SDK1: variants seen among roughly 807,000 people sequenced by gnomAD.
SDK1 encodes protein sidekick-1.
Under a neutral mutation model 245.5 loss-of-function variants are expected in SDK1, and 157 were observed. That is an observed-to-expected ratio of 0.64 (90% CI 0.56 to 0.73). The LOEUF (loss-of-function observed/expected upper bound fraction) is 0.73. SDK1 is among the 30% of genes least tolerant of loss of function. SDK1 has a pLI of 0.00. For synonymous variants in SDK1, 1,647 were observed against 1,278.5 expected (o/e 1.29, Z -6.15); for missense variants, 3,583 against 3,002.3 (o/e 1.19, Z -4.52).
At chr7:3,395,846 G>A (rs1408893347) in intron 1 of SDK1, among the ~76,000 whole-genome samples, 2 of 151,696 alleles carry the variant, frequency 1.3e-5, no homozygotes, top group Non-Finnish European at 3.0e-5. Context: ...TTTCATTCCT[G>A]ATTTTTGTGG....
Position 4,017,176 on chromosome 7 carries a change from G to T in SDK1, c.2426G>T (p.Arg809Leu), listed in dbSNP as rs756442334. 6 of 1,609,322 alleles carry T rather than the reference G, an allele frequency of 3.7e-6. No individual in the cohort carries two copies. The highest frequency in any genetic ancestry group is 1.7e-5 in the Admixed American group (1 of 59,336). ...GVLRGYILRY[R>L]LAGLPGEYQQ... ...GGGCTTCCTTCGTGGCGCAGGTACC[G>T]CCTGGCTGGCCTTCCCGGAGAGTAC... The change falls in exon 17 of 45, where the codon CGC (arginine) becomes CTC (leucine). Residue 809 changes from arginine to leucine, a missense_variant. Transcript: ENST00000404826.
chr7:3,572,110 A>G (rs1014510298), intron 1 of SDK1, among the ~76,000 whole-genome samples: 14 of 152,134 alleles, frequency 9.2e-5, no homozygotes, highest in African/African-American at 3.1e-4. Context: ...AATGACTAGT[A>G]TATTTTATTC....
Position 4,268,243 on chromosome 7 carries a change from G to T in SDK1, c.*2859G>T. ...CCTGCAAGGATGTGGTCACGGAGTG[G>T]CCAGGAGGCTCCGTCTGAGCCACAG... On this transcript the variant is annotated 3_prime_UTR_variant, in exon 45 of 45. Coordinates refer to ENST00000404826, the MANE Select transcript of SDK1 (RefSeq NM_152744.4). The T allele has an allele frequency of 6.0e-6, 6 of 998,182 alleles. No homozygotes were observed. Among genetic ancestry groups the T allele is most frequent in the Non-Finnish European group, 7.2e-6 (6 of 837,652 alleles). 61.8% of individuals were successfully genotyped at this position (998,182 alleles called of 1,614,324 possible).
chr7:3,790,707 G>A (rs1781054275), intron 4 of SDK1, among the ~76,000 whole-genome samples: 1 of 152,184 alleles, frequency 6.6e-6, no homozygotes, highest in Non-Finnish European at 1.5e-5. Context: ...TCGGGAGACT[G>A]AGGCAGGAGA....
chr7:3,629,300 CAAAAAAAAA>C (rs71029686), intron 2 of SDK1, among the ~76,000 whole-genome samples: 64 of 111,244 alleles, frequency 5.8e-4, no homozygotes, highest in African/African-American at 2.0e-3. Flanking sequence ...TTCTCAGTCT[CAAAAAAAAA>C]AAGAAAAAAA....
At chr7:3,561,993 T>C (rs897789375) in intron 1 of SDK1, among the ~76,000 whole-genome samples, 2 of 152,222 alleles carry the variant, frequency 1.3e-5, no homozygotes, top group African/African-American at 2.4e-5. Context: ...GGAAAAAATA[T>C]AGAGGAAATA....
At chr7:4,044,506 G>A (rs1788871935) in intron 17 of SDK1, among the ~76,000 whole-genome samples, 1 of 152,118 alleles carries the variant, frequency 6.6e-6, no homozygotes, top group Admixed American at 6.5e-5. Flanking sequence ...TGCAGTGGCA[G>A]GAGCATAGCT....
chr7:3,717,293 C>G (rs1479543668), intron 4 of SDK1, among the ~76,000 whole-genome samples: 1 of 152,030 alleles, frequency 6.6e-6, no homozygotes, highest in Non-Finnish European at 1.5e-5. Context: ...AGAGAGATAA[C>G]AGGAAAACTT....
chr7:3,593,904 C>G (rs1316363430), intron 1 of SDK1, among the ~76,000 whole-genome samples: 1 of 152,184 alleles, frequency 6.6e-6, no homozygotes, highest in African/African-American at 2.4e-5. Context: ...CTTACCATGC[C>G]TAGCATAAAC....
At chr7:3,846,627 C>A (rs1780285019) in intron 5 of SDK1, among the ~76,000 whole-genome samples, 1 of 152,214 alleles carries the variant, frequency 6.6e-6, no homozygotes, top group South Asian at 2.1e-4. Flanking sequence ...TACCTCCCTC[C>A]TGTCCTAAAG....
chr7:4,267,537 G>A lies in SDK1; in HGVS notation c.*2153G>A, dbSNP rs1430779626. 1 of 985,494 alleles carries A rather than the reference G, an allele frequency of 1.0e-6. No homozygotes were observed. The highest frequency in any genetic ancestry group is 1.2e-6 in the Non-Finnish European group (1 of 829,978). 61.0% of individuals were successfully genotyped at this position (985,494 alleles called of 1,614,324 possible). A position where few individuals can be genotyped will look rare whatever the true frequency, so the allele number is the denominator to read the frequency against. ...AAGTGGGCGGGAAGCCAGGATGTGAGCACTGGAATTTCTTGGAAGAGAAGC... is the reference window on the plus strand; with the variant it reads ...AAGTGGGCGGGAAGCCAGGATGTGAACACTGGAATTTCTTGGAAGAGAAGC... On this transcript the variant is annotated 3_prime_UTR_variant, in exon 45 of 45. Transcript: ENST00000404826.
intron 40 of SDK1, among the ~76,000 whole-genome samples, chr7:4,225,339 C>T (rs1197971682): frequency 6.6e-6 from 1 of 152,156 alleles, no homozygotes; most frequent in African/African-American, 2.4e-5. Flanking sequence ...TTGAAAAAGC[C>T]ACGGTGTCCG....
chr7:3,978,900 G>T (rs1279249361), intron 13 of SDK1, among the ~76,000 whole-genome samples: 1 of 152,104 alleles, frequency 6.6e-6, no homozygotes, highest in Non-Finnish European at 1.5e-5. Context: ...TAGAAATTAC[G>T]AGCATCTGAA....
intron 5 of SDK1, among the ~76,000 whole-genome samples, chr7:3,904,967 TG>T (rs1781913867): frequency 6.7e-6 from 1 of 148,886 alleles, no homozygotes; most frequent in Non-Finnish European, 1.5e-5. Flanking sequence ...CACTCCAGCC[TG>T]GGTGACAGAG....
intron 1 of SDK1, among the ~76,000 whole-genome samples, chr7:3,333,461 T>C (rs1780120366): frequency 6.6e-6 from 1 of 152,198 alleles, no homozygotes; most frequent in South Asian, 2.1e-4. Context: ...TTTTGTTCTG[T>C]CTTGATCTCC....
intron 22 of SDK1, among the ~76,000 whole-genome samples, chr7:4,104,082 C>T (rs142147790): frequency 4.7e-4 from 71 of 152,348 alleles, no homozygotes; most frequent in African/African-American, 1.6e-3. Context: ...GTGTTTGAGA[C>T]GGGGTCTCCC....
chr7:3,323,904 C>T (rs193084735), intron 1 of SDK1, among the ~76,000 whole-genome samples: 1 of 152,302 alleles, frequency 6.6e-6, no homozygotes, highest in Admixed American at 6.5e-5. Context: ...CTTCTTCAGC[C>T]AGTAAAATGT....
At chr7:3,426,536 G>C (rs1462575871) in intron 1 of SDK1, among the ~76,000 whole-genome samples, 1 of 152,184 alleles carries the variant, frequency 6.6e-6, no homozygotes, top group Non-Finnish European at 1.5e-5. Flanking sequence ...CTGATACATA[G>C]ATGTAAAACC....
At chr7:3,566,608 G>T (rs941288412) in intron 1 of SDK1, among the ~76,000 whole-genome samples, 14 of 151,824 alleles carry the variant, frequency 9.2e-5, no homozygotes, top group African/African-American at 3.4e-4. Context: ...TTCAATGAAG[G>T]TATCTGTAGA....
Sources: gnomAD v4.1 joint callset for allele counts (sites outside exome capture counted in the v4.1 genomes callset) on GRCh38, gnomAD v4.1.1 for gene constraint, MANE v1.5 for transcripts, NCBI Gene and HGNC (gene_info 2026-07-23, HGNC 2026-07-21) for gene names.